Variants in ITGB4 observed in about 807,000 individuals in gnomAD.
ITGB4 encodes integrin beta-4.
Under a neutral mutation model 207.6 loss-of-function variants are expected in ITGB4, and 159 were observed. The ratio of observed to expected loss-of-function variants is 0.77; its 90% CI spans 0.67 to 0.87. ITGB4 has a LOEUF of 0.87. Ranked by LOEUF, ITGB4 falls within the 40% of genes least tolerant of loss-of-function variation. The pLI is 0.00. For synonymous variants in ITGB4, 1,020 were observed against 1,062.7 expected (o/e 0.96, Z 0.78); for missense variants, 2,278 against 2,546.8 (o/e 0.89, Z 2.27).
At chr17:75,733,371 G>A in intron 12 of ITGB4, 119 bp from the exon 13 acceptor site, 1 of 800,698 alleles carries the variant, frequency 1.2e-6, no homozygotes, top group Non-Finnish European at 1.8e-6. Context: ...GGGCGACAAG[G>A]CGAGACTCCG....
In ITGB4 at chr17:75,730,592, CCCTCCCTCCCTTCCTCCCTT is replaced by C. The variant is rs1037785610; in HGVS notation, c.1002+100_1002+119del. On this transcript the variant is annotated intron_variant, in intron 8 of 39. Coordinates refer to ENST00000200181, the MANE Select transcript of ITGB4 (RefSeq NM_000213.5). The stretch of plus-strand genomic sequence containing the variant: ...GACACCTCTCCCTCCCTCCCTCCCT[CCCTCCCTCCCTTCCTCCCTT>C]CCTCCCTCCCTCTTTTCCTCCCTTT... 35 of 1,238,094 alleles carry C rather than the reference CCCTCCCTCCCTTCCTCCCTT, an allele frequency of 2.8e-5. 1 individual carries two copies. Among genetic ancestry groups the C allele is most frequent in the South Asian group, 1.6e-4 (12 of 72,784 alleles). 76.7% of individuals were successfully genotyped at this position (1,238,094 alleles called of 1,614,324 possible).
Position 75,742,357 on chromosome 17 carries a change from G to T in ITGB4, c.2650G>T (p.Val884Leu). 6.2e-7 allele frequency: 1 copy of T among 1,613,420 alleles called. No individual in the cohort carries two copies. Among genetic ancestry groups the T allele is most frequent in the African/African-American group, 1.3e-5 (1 of 75,054 alleles). Residue 884 changes from valine (V) to leucine (L), a missense_variant, in exon 24 of 40, where the codon GTG becomes TTG. Val to Leu is a conservative substitution (Grantham distance 32, BLOSUM62 1). Coordinates refer to ENST00000200181, the MANE Select transcript of ITGB4 (RefSeq NM_000213.5). The surrounding 1 kb of genome is among the most constrained non-coding windows in gnomAD (Gnocchi z 5.9). Reference protein sequence around the residue: ...NAGKKQDHTIVDTVLMAPRSA... With the variant: ...NAGKKQDHTILDTVLMAPRSA... ...TCGACCCAGGCAAGACCACACCATTGTGGACACAGTGCTGATGGCGCCCCG... is the reference window on the plus strand; with the variant it reads ...TCGACCCAGGCAAGACCACACCATTTTGGACACAGTGCTGATGGCGCCCCG...
Position 75,732,130 on chromosome 17 carries a change from C to T in ITGB4, c.1378-33C>T, listed in dbSNP as rs778026375. The T allele has an allele frequency of 9.3e-6, 15 of 1,612,964 alleles. No homozygotes were observed. Among genetic ancestry groups the T allele is most frequent in the Admixed American group, 3.3e-5 (2 of 60,004 alleles). ...TCCAGTGGCCCCGGTCCTGCTCCCC[C>T]GACGCACCCCACCATGGTCTCTCTC... On this transcript the variant is annotated intron_variant, in intron 11 of 39. Transcript: ENST00000200181. This position sits in a 1 kb window ranked among gnomAD's most constrained non-coding sequence, Gnocchi z 5.3.
At chr17:75,743,096 G>A (rs1026240773) in intron 25 of ITGB4, among the ~76,000 whole-genome samples, 4 of 152,144 alleles carry the variant, frequency 2.6e-5, no homozygotes, top group Admixed American at 6.5e-5. Context: ...CACCTGTGCC[G>A]GAAGCCACAG....
At position 75,752,483 on chromosome 17, in the gene ITGB4, G is replaced by C. The variant is rs2061391218; in HGVS notation, c.4014G>C (p.Gln1338His). 2 of 1,613,650 alleles carry C rather than the reference G, an allele frequency of 1.2e-6. No homozygotes were observed. The highest frequency in any genetic ancestry group is 1.7e-6 in the Non-Finnish European group (2 of 1,180,016). Residue 1338 changes from glutamine (Q) to histidine (H), a missense_variant, in exon 32 of 40, where the codon CAG becomes CAC. Gln to His is a conservative substitution (Grantham distance 24). Coordinates refer to ENST00000200181, the MANE Select transcript of ITGB4 (RefSeq NM_000213.5). ...CTGACATCCCTATCGTGGACGCCCA[G>C]AGCGGGGAGGACTACGACAGCTTCC... is the stretch of plus-strand genomic sequence containing the variant. Reference protein sequence around the residue: ...IIPDIPIVDAQSGEDYDSFLM... With the variant: ...IIPDIPIVDAHSGEDYDSFLM...
intron 30 of ITGB4, 80 bp from the exon 31 acceptor site, chr17:75,752,094 G>A (rs1039689416): frequency 1.2e-5 from 18 of 1,476,726 alleles, no homozygotes; most frequent in South Asian, 5.7e-5. Context: ...GGGGATGCAC[G>A]GCCGTCCTGC....
intron 34 of ITGB4, 111 bp from the exon 35 acceptor site, chr17:75,755,590 C>CGGTCA (rs2061478512): frequency 7.3e-7 from 1 of 1,377,314 alleles, no homozygotes; most frequent in African/African-American, 1.4e-5. Context: ...GTCCAGCCAG[C>CGGTCA]GGTCAGTGTA....
chr17:75,728,539 C>T, intron 6 of ITGB4, 66 bp downstream of exon 6: 1 of 1,254,218 alleles, frequency 8.0e-7, no homozygotes, highest in Non-Finnish European at 1.2e-6. Flanking sequence ...ACTCCTCTTT[C>T]ACCCACAACT....
chr17:75,732,197 A>G lies in ITGB4; in HGVS notation c.1412A>G (p.Asn471Ser), dbSNP rs979012157. The G allele has an allele frequency of 7.4e-6, 12 of 1,614,002 alleles. No homozygotes were observed. The highest frequency in any genetic ancestry group is 6.7e-5 in the African/African-American group (5 of 74,930). The change falls in exon 12 of 40, where the codon AAC becomes AGC. Residue 471 changes from asparagine to serine, a missense_variant. Asn to Ser is a conservative substitution (Grantham distance 46, BLOSUM62 1). Transcript: ENST00000200181. The surrounding 1 kb of genome is among the most constrained non-coding windows in gnomAD (Gnocchi z 5.3). ...GTGCGGTCAGCTCGCTGCAGCTTCA[A>G]CGGAGACTTCGTGTGCGGACAGTGT... is the stretch of plus-strand genomic sequence containing the variant. ...KEVRSARCSFNGDFVCGQCVC... is the reference protein window; with the variant it reads ...KEVRSARCSFSGDFVCGQCVC...
In ITGB4 at chr17:75,733,581, G is replaced by T; in HGVS notation, c.1546G>T (p.Gly516Trp). Residue 516 changes from glycine to tryptophan, a missense_variant, in exon 13 of 40, where the codon GGG becomes TGG. Coordinates refer to ENST00000200181, the MANE Select transcript of ITGB4 (RefSeq NM_000213.5). ...EGEDKPCSGR[G>W]ECQCGHCVCY... ...CGAGGACAAGCCGTGCTCCGGCCGTGGGGAGTGCCAGTGCGGGCACTGTGT... is the reference window on the plus strand; with the variant it reads ...CGAGGACAAGCCGTGCTCCGGCCGTTGGGAGTGCCAGTGCGGGCACTGTGT... 6.2e-7 allele frequency: 1 copy of T among 1,614,124 alleles called. No individual in the cohort carries two copies. The highest frequency in any genetic ancestry group is 8.5e-7 in the Non-Finnish European group (1 of 1,180,040).
rs967820989 is a variant in ITGB4, at chr17:75,757,588, T to C, written c.*33T>C. Reference sequence around the variant, plus strand: ...CTGCCCCACCCCCGCCACGTCCCACTAGGCGTCCTCCCGACTCCTCTCCCG... The same window carrying C: ...CTGCCCCACCCCCGCCACGTCCCACCAGGCGTCCTCCCGACTCCTCTCCCG... On this transcript the variant is annotated 3_prime_UTR_variant, in exon 40 of 40. Coordinates refer to ENST00000200181, the MANE Select transcript of ITGB4 (RefSeq NM_000213.5). 1.2e-6 allele frequency: 2 copies of C among 1,611,714 alleles called. No homozygotes were observed. The highest frequency in any genetic ancestry group is 8.5e-7 in the Non-Finnish European group (1 of 1,178,898).
intron 23 of ITGB4, 31 bp downstream of exon 23, chr17:75,741,036 C>T (rs958409783): frequency 1.2e-6 from 2 of 1,608,014 alleles, no homozygotes; most frequent in South Asian, 2.2e-5. Flanking sequence ...TGAGAGGGCC[C>T]CCACTTCCTG....
rs1432823952 is a variant in ITGB4 at position 75,756,462 on chromosome 17, C to T, written c.4742C>T (p.Ala1581Val). The change falls in exon 36 of 40, where the codon GCC (alanine) becomes GTC (valine). Residue 1581 changes from alanine to valine, a missense_variant. Ala to Val is a moderately conservative substitution (Grantham distance 64). Transcript: ENST00000200181. ...CATCGGCTCAACATCCCCAACCCTG[C>T]CCAGACCTCGGTGGTGGTGGAAGAC... is the stretch of plus-strand genomic sequence containing the variant. ...ELHRLNIPNP[A>V]QTSVVVEDLL... is the part of the protein sequence containing the mutation. 17 of 1,613,264 alleles carry T rather than the reference C, an allele frequency of 1.1e-5. No homozygotes were observed. Among genetic ancestry groups the T allele is most frequent in the Non-Finnish European group, 1.4e-5 (17 of 1,179,992 alleles).
Position 75,752,543 on chromosome 17 carries a change from G to A in ITGB4, c.4074G>A (p.Ser1358=), listed in dbSNP as rs747985188. The A allele has an allele frequency of 8.1e-6, 13 of 1,613,466 alleles. No individual in the cohort carries two copies. Among genetic ancestry groups the A allele is most frequent in the East Asian group, 2.2e-5 (1 of 44,890 alleles). ...GCGATGACGTTCTACGCTCTCCATC[G>A]GGCAGCCAGAGGCCCAGCGTCTCCG... ...MYSDDVLRSP[S]GSQRPSVSDD... is the part of the protein sequence containing the mutation. Residue 1358 remains serine (S), a synonymous_variant, in exon 32 of 40, where the codon TCG becomes TCA. Transcript: ENST00000200181.
rs2061516302 is a variant in ITGB4, at chr17:75,756,759, C to T, written c.4953C>T (p.Ala1651=). 6.2e-7 allele frequency: 1 copy of T among 1,613,048 alleles called. No individual in the cohort carries two copies. Among genetic ancestry groups the T allele is most frequent in the South Asian group, 1.1e-5 (1 of 91,066 alleles). ...CCCCAGGCCCGCTGGTGTTCACTGC[C>T]CTGAGCCCAGACTCGCTGCAGCTGA... is the stretch of plus-strand genomic sequence containing the variant. The part of the protein sequence containing the change: ...PSAPGPLVFT[A]LSPDSLQLSW... Residue 1651 remains alanine (A), a synonymous_variant, in exon 37 of 40, where the codon GCC becomes GCT. Transcript: ENST00000200181.
chr17:75,752,244 T>G lies in ITGB4; in HGVS notation c.3864T>G (p.Leu1288=). The change falls in exon 31 of 40, where the codon CTT becomes CTG. Residue 1288 remains leucine, a synonymous_variant. Transcript: ENST00000200181. ...PKNRMLLIEN[L]RESQPYRYTV... is the part of the protein sequence containing the mutation. ...ACCGGATGCTGCTTATTGAGAACCT[T>G]CGGGAGTCCCAGCCCTACCGCTACA... is the stretch of plus-strand genomic sequence containing the variant. 1 of 1,613,636 alleles carries G rather than the reference T, an allele frequency of 6.2e-7. No homozygotes were observed. Among genetic ancestry groups the G allele is most frequent in the Non-Finnish European group, 8.5e-7 (1 of 1,180,002 alleles).
At position 75,740,438 on chromosome 17, in the gene ITGB4, C is replaced by T. The variant is rs755300271; in HGVS notation, c.2527C>T (p.Leu843=). Residue 843 remains leucine, a synonymous_variant, in exon 21 of 40, where the codon CTG becomes TTG. Transcript: ENST00000200181. The surrounding 1 kb of genome is among the most constrained non-coding windows in gnomAD (Gnocchi z 5.9). ...GCCTGACACTCGGGAGTGCGCCCAG[C>T]TGCGCCAGGAGGTGGAGGAGAACGT... The part of the protein sequence containing the change: ...LKPDTRECAQ[L]RQEVEENLNE... The T allele has an allele frequency of 1.9e-6, 3 of 1,613,648 alleles. No individual in the cohort carries two copies. The Admixed American group carries it at 5.0e-5, about 27-fold the overall frequency.
intron 14 of ITGB4, 42 bp from the exon 15 acceptor site, chr17:75,736,246 G>T (rs760469999): frequency 6.2e-7 from 1 of 1,605,616 alleles, no homozygotes; most frequent in South Asian, 1.1e-5. Flanking sequence ...AGCAGGCAGG[G>T]ATGGGGCACA....
Position 75,730,859 on chromosome 17 carries a change from G to A in ITGB4, c.1003-16G>A. On this transcript the variant is annotated splice_polypyrimidine_tract_variant and intron_variant, in intron 8 of 39. Transcript: ENST00000200181. ...ATGGAGATGCTTAGCCTGAGACCTGGCCTTCTCTCCCGCAGAAGCTTCACA... is the reference window on the plus strand; with the variant it reads ...ATGGAGATGCTTAGCCTGAGACCTGACCTTCTCTCCCGCAGAAGCTTCACA... The A allele has an allele frequency of 1.3e-6, 2 of 1,595,882 alleles. No individual in the cohort carries two copies.
Sources: allele counts gnomAD v4.1 joint callset (sites outside exome capture counted in the v4.1 genomes callset), GRCh38; gene constraint gnomAD v4.1.1; non-coding constraint Gnocchi (gnomAD v3.1); transcripts MANE v1.5; gene names NCBI Gene and HGNC (gene_info 2026-07-23, HGNC 2026-07-21).